Variants in PPP6R3 observed in about 807,000 individuals in gnomAD.
The protein encoded by PPP6R3 is serine/threonine-protein phosphatase 6 regulatory subunit 3.
A neutral mutation model predicts 110.7 loss-of-function variants in PPP6R3; 38 were observed. The ratio of observed to expected loss-of-function variants is 0.34; its 90% confidence interval spans 0.26 to 0.45. The LOEUF (loss-of-function observed/expected upper bound fraction) is 0.45. Ranked by LOEUF, PPP6R3 falls within the 20% of genes least tolerant of loss-of-function variation. The probability of loss-of-function intolerance (pLI) is 1.00; values close to 1 mark genes in which losing one functional copy is unlikely to be tolerated. For synonymous variants in PPP6R3, 369 were observed against 373.5 expected (o/e 0.99, Z 0.14); for missense variants, 870 against 1,062.4 (o/e 0.82, Z 2.52).
intron 1 of PPP6R3, among the ~76,000 whole-genome samples, chr11:68,515,342 A>G (rs1242380163): frequency 6.6e-6 from 1 of 152,300 alleles, no homozygotes; most frequent in Non-Finnish European, 1.5e-5. Context: ...AACTCCATCC[A>G]GAACATCCTC....
chr11:68,585,334 T>C (rs927078388), intron 15 of PPP6R3, among the ~76,000 whole-genome samples: 1 of 152,164 alleles, frequency 6.6e-6, no homozygotes, highest in Non-Finnish European at 1.5e-5. Flanking sequence ...TCACATCACA[T>C]ACGGGCTTGC....
chr11:68,475,283 A>G (rs890738535), intron 1 of PPP6R3, among the ~76,000 whole-genome samples: 11 of 152,224 alleles, frequency 7.2e-5, no homozygotes, highest in Non-Finnish European at 1.3e-4. Flanking sequence ...TTCTTAGTAC[A>G]GAACAAAATG....
In PPP6R3 at chr11:68,579,285, CA is replaced by C. The variant is rs200642287; in HGVS notation, c.1545+3243del. Among the ~76,000 whole-genome samples the C allele has an allele frequency of 3.9e-3, 600 of 152,330 alleles. 2 individuals are homozygous for C. Among genetic ancestry groups the C allele is most frequent in the African/African-American group, 0.014 (575 of 41,572 alleles). ...CACTAATACGGGCCTCAGAGTTTAACAGTCATTTCACACTTCTGATTTCCCT... is the reference window on the plus strand; with the variant it reads ...CACTAATACGGGCCTCAGAGTTTAACGTCATTTCACACTTCTGATTTCCCT... On this transcript the variant is annotated intron_variant, in intron 14 of 23. Coordinates refer to ENST00000393800, the MANE Select transcript of PPP6R3 (RefSeq NM_001164161.2).
Position 68,600,416 on chromosome 11 carries a change from A to G in PPP6R3, c.2114A>G (p.Asp705Gly), listed in dbSNP as rs756740751. The G allele has an allele frequency of 1.2e-6, 2 of 1,614,084 alleles. No homozygotes were observed. Among genetic ancestry groups the G allele is most frequent in the Admixed American group, 3.3e-5 (2 of 60,012 alleles). The change falls in exon 20 of 24, where the codon GAT (aspartate) becomes GGT (glycine). Residue 705 changes from aspartate to glycine, a missense_variant. Physicochemically the swap from Asp to Gly is moderately conservative, Grantham distance 94 (BLOSUM62 -1). Transcript: ENST00000393800. Reference sequence around the variant, plus strand: ...GCTCCATTGGATTCTGTGGGATCTGATGTCTGGAGCACAGAGGAGCCGATG... The same window carrying G: ...GCTCCATTGGATTCTGTGGGATCTGGTGTCTGGAGCACAGAGGAGCCGATG... ...HGAPLDSVGSDVWSTEEPMPT... is the reference protein window; with the variant it reads ...HGAPLDSVGSGVWSTEEPMPT...
chr11:68,463,621 A>G (rs114836649), intron 1 of PPP6R3, among the ~76,000 whole-genome samples: 1,745 of 152,300 alleles, frequency 0.011, 33 homozygotes, highest in African/African-American at 0.039. Context: ...TATCTGCTCA[A>G]CTAAAACTCA....
At chr11:68,597,148 C>G (rs2099616148) in intron 19 of PPP6R3, among the ~76,000 whole-genome samples, 1 of 152,214 alleles carries the variant, frequency 6.6e-6, no homozygotes, top group Non-Finnish European at 1.5e-5. Context: ...GAACGGGCCA[C>G]AGACTCTGCC....
intron 23 of PPP6R3, 143 bp downstream of exon 23, chr11:68,610,166 A>C: frequency 8.6e-7 from 1 of 1,157,056 alleles, no homozygotes; most frequent in Non-Finnish European, 1.2e-6. Context: ...GGGTTTTCTC[A>C]GTCCTTAATG....
chr11:68,593,855 C>CA (rs2099603081), intron 18 of PPP6R3, among the ~76,000 whole-genome samples: 1 of 151,908 alleles, frequency 6.6e-6, no homozygotes, highest in Non-Finnish European at 1.5e-5. Context: ...CCTGTCTCTA[C>CA]AAAAAATACA....
chr11:68,585,252 T>G (rs1359135778), intron 15 of PPP6R3, among the ~76,000 whole-genome samples: 1 of 152,178 alleles, frequency 6.6e-6, no homozygotes, highest in African/African-American at 2.4e-5. Flanking sequence ...GAGGCCCCCA[T>G]GGAGGTCTGG....
At chr11:68,537,616 G>A (rs375769359) in intron 2 of PPP6R3, 43 bp from the exon 3 acceptor site, 1 of 1,287,984 alleles carries the variant, frequency 7.8e-7, no homozygotes, top group Non-Finnish European at 1.1e-6. Flanking sequence ...AAATTAATTT[G>A]TAAAGTTGAA....
chr11:68,603,268 G>A, intron 21 of PPP6R3, 74 bp from the exon 22 acceptor site: 1 of 1,556,876 alleles, frequency 6.4e-7, no homozygotes. Flanking sequence ...TTGGGTAGAT[G>A]GGTTTGTACA....
At chr11:68,530,232 C>G (rs1273903678) in intron 2 of PPP6R3, among the ~76,000 whole-genome samples, 1 of 151,840 alleles carries the variant, frequency 6.6e-6, no homozygotes, top group Admixed American at 6.6e-5. Flanking sequence ...TTGTGTAGTT[C>G]TAGTAGTTTT....
At chr11:68,558,820 C>T (rs2099408729) in intron 8 of PPP6R3, 141 bp downstream of exon 8, 2 of 627,990 alleles carry the variant, frequency 3.2e-6, no homozygotes, top group East Asian at 6.2e-5. Context: ...AAACCATAGC[C>T]TAATTTTATA....
chr11:68,564,829 A>G (rs1322374353), intron 9 of PPP6R3, among the ~76,000 whole-genome samples: 1 of 152,232 alleles, frequency 6.6e-6, no homozygotes, highest in Non-Finnish European at 1.5e-5. Flanking sequence ...TATTTAAGAA[A>G]GAGTAGGTTG....
At chr11:68,511,965 A>G (rs760423399) in intron 1 of PPP6R3, among the ~76,000 whole-genome samples, 4 of 152,010 alleles carry the variant, frequency 2.6e-5, no homozygotes, top group Admixed American at 6.6e-5. Flanking sequence ...CTTTCTCCCC[A>G]TTGGATCTCC....
chr11:68,463,643 G>A (rs2098724211), intron 1 of PPP6R3, among the ~76,000 whole-genome samples: 1 of 152,102 alleles, frequency 6.6e-6, no homozygotes, highest in South Asian at 2.1e-4. Context: ...CATTGACTTG[G>A]TCCTTAGAAG....
Position 68,574,003 on chromosome 11 carries a change from G to A in PPP6R3, c.1344-106G>A, listed in dbSNP as rs2099520677. 9 of 745,162 alleles carry A rather than the reference G, an allele frequency of 1.2e-5. No individual in the cohort carries two copies. The East Asian group carries it at 2.0e-4, about 17-fold the overall frequency. 46.2% of individuals were successfully genotyped at this position (745,162 alleles called of 1,614,324 possible). A position where few individuals can be genotyped will look rare whatever the true frequency, so the allele number is the denominator to read the frequency against. ...TCTGTCCATCGTCATTTTCTTCAGTGCCTTCAGGGTTTAAAATGATTGTTT... is the reference window on the plus strand; with the variant it reads ...TCTGTCCATCGTCATTTTCTTCAGTACCTTCAGGGTTTAAAATGATTGTTT... On this transcript the variant is annotated intron_variant, in intron 12 of 23. Coordinates refer to ENST00000393800, the MANE Select transcript of PPP6R3 (RefSeq NM_001164161.2).
At chr11:68,555,877 C>T (rs2099397433) in intron 7 of PPP6R3, among the ~76,000 whole-genome samples, 1 of 152,214 alleles carries the variant, frequency 6.6e-6, no homozygotes, top group Non-Finnish European at 1.5e-5. Flanking sequence ...TGTCATAGTG[C>T]TTCCCACAGT....
chr11:68,614,388 A>G lies in PPP6R3; in HGVS notation c.*1271A>G, dbSNP rs955674878. 7.9e-7 allele frequency: 1 copy of G among 1,260,136 alleles called. No homozygotes were observed. 78.1% of individuals were successfully genotyped at this position (1,260,136 alleles called of 1,614,324 possible). On this transcript the variant is annotated 3_prime_UTR_variant, in exon 24 of 24. Transcript: ENST00000393800. ...TCTGGTGAAAGGGTTAAATTACTTCACCTCTTGCACTTTTAGATGCAAATC... is the reference window on the plus strand; with the variant it reads ...TCTGGTGAAAGGGTTAAATTACTTCGCCTCTTGCACTTTTAGATGCAAATC...
Sources: gnomAD v4.1 joint callset for allele counts (sites outside exome capture counted in the v4.1 genomes callset) on GRCh38, gnomAD v4.1.1 for gene constraint, MANE v1.5 for transcripts, NCBI Gene and HGNC (gene_info 2026-07-23, HGNC 2026-07-21) for gene names.